Variants in FHIT observed in about 807,000 individuals in gnomAD.
FHIT encodes bis(5'-adenosyl)-triphosphatase.
A neutral mutation model predicts 17.9 loss-of-function variants in FHIT; 19 were observed. The observed-to-expected ratio is 1.06, with a 90% CI of 0.74 to 1.56. The LOEUF is 1.56. Ranked by LOEUF, FHIT falls within the 40% of genes most tolerant of loss-of-function variation. FHIT has a pLI of 0.00. For missense variants in FHIT, 248 were observed against 189.2 expected, an observed-to-expected ratio of 1.31 and a Z score of -1.82; for synonymous variants, 81 against 69.7, an observed-to-expected ratio of 1.16 and a Z score of -0.81.
chr3:61,070,193 C>T (rs576119668), intron 2 of FHIT, among the ~76,000 whole-genome samples: 4 of 152,270 alleles, frequency 2.6e-5, no homozygotes, highest in African/African-American at 4.8e-5. Context: ...CGTTCCTGAC[C>T]AGGAACCACC....
intron 5 of FHIT, among the ~76,000 whole-genome samples, chr3:60,179,996 G>C (rs944862724): frequency 6.6e-6 from 1 of 152,078 alleles, no homozygotes; most frequent in African/African-American, 2.4e-5. Flanking sequence ...AATCCTCCAC[G>C]GGGACTATAT....
At chr3:60,508,090 A>T (rs2034806779) in intron 5 of FHIT, among the ~76,000 whole-genome samples, 2 of 152,190 alleles carry the variant, frequency 1.3e-5, no homozygotes, top group African/African-American at 4.8e-5. Context: ...TGCTAGCTAC[A>T]TGGAGAATGT....
chr3:60,559,211 C>A (rs777313595), intron 4 of FHIT, among the ~76,000 whole-genome samples: 3 of 152,124 alleles, frequency 2.0e-5, no homozygotes, highest in Non-Finnish European at 2.9e-5. Context: ...TAATTTTCAA[C>A]TGTATGGGGA....
At chr3:60,392,914 G>A (rs946200243) in intron 5 of FHIT, among the ~76,000 whole-genome samples, 2 of 152,086 alleles carry the variant, frequency 1.3e-5, no homozygotes, top group Non-Finnish European at 1.5e-5. Context: ...ATCTTATTAT[G>A]AGAGTCTTTC....
At chr3:60,085,445 T>G (rs1398794055) in intron 5 of FHIT, among the ~76,000 whole-genome samples, 1 of 152,182 alleles carries the variant, frequency 6.6e-6, no homozygotes, top group East Asian at 1.9e-4. Flanking sequence ...CACTAACTGA[T>G]GCATGTGTAT....
chr3:60,070,308 T>C (rs1464503636), intron 5 of FHIT, among the ~76,000 whole-genome samples: 1 of 152,236 alleles, frequency 6.6e-6, no homozygotes, highest in Non-Finnish European at 1.5e-5. Context: ...ATCACCATCA[T>C]TGAAGCCACG....
chr3:60,148,297 G>A (rs946345215), intron 5 of FHIT, among the ~76,000 whole-genome samples: 1 of 152,154 alleles, frequency 6.6e-6, no homozygotes, highest in Non-Finnish European at 1.5e-5. Context: ...TGTGGTAATA[G>A]TCTTTCAAAC....
At chr3:60,477,373 G>C (rs1328386215) in intron 5 of FHIT, among the ~76,000 whole-genome samples, 1 of 152,126 alleles carries the variant, frequency 6.6e-6, no homozygotes, top group African/African-American at 2.4e-5. Flanking sequence ...TTTCTTTTGA[G>C]AGAGATGCAG....
chr3:60,271,040 A>G (rs766914455), intron 5 of FHIT, among the ~76,000 whole-genome samples: 17 of 152,308 alleles, frequency 1.1e-4, no homozygotes, highest in South Asian at 4.1e-4. Flanking sequence ...AGGAATCTAC[A>G]TAACAGTGGA....
chr3:59,773,591 T>C (rs1339054926), intron 8 of FHIT, among the ~76,000 whole-genome samples: 1 of 152,104 alleles, frequency 6.6e-6, no homozygotes, highest in Non-Finnish European at 1.5e-5. Context: ...TGTAATTAAT[T>C]CCCTCTTTTC....
chr3:60,165,154 G>A (rs942936920), intron 5 of FHIT, among the ~76,000 whole-genome samples: 1 of 152,172 alleles, frequency 6.6e-6, no homozygotes, highest in Non-Finnish European at 1.5e-5. Flanking sequence ...CAGGCTGTGA[G>A]CTCAGTGTTA....
chr3:60,054,426 C>T (rs1221094618), intron 5 of FHIT, among the ~76,000 whole-genome samples: 3 of 152,146 alleles, frequency 2.0e-5, no homozygotes, highest in African/African-American at 7.2e-5. Context: ...AATGTAAATG[C>T]ACCCTGTGAT....
chr3:61,115,207 G>T (rs12492395), intron 2 of FHIT, among the ~76,000 whole-genome samples: 15,303 of 152,170 alleles, frequency 0.1, 810 homozygotes, highest in South Asian at 0.19. Context: ...TGGTGCCATT[G>T]TGTATAATCA....
At chr3:60,367,834 T>C (rs1700169984) in intron 5 of FHIT, among the ~76,000 whole-genome samples, 1 of 152,188 alleles carries the variant, frequency 6.6e-6, no homozygotes, top group Non-Finnish European at 1.5e-5. Context: ...TCCACCACTT[T>C]CATGGAAACT....
At chr3:60,939,090 T>A (rs781348611) in intron 3 of FHIT, among the ~76,000 whole-genome samples, 3 of 152,210 alleles carry the variant, frequency 2.0e-5, no homozygotes, top group Non-Finnish European at 2.9e-5. Flanking sequence ...TTCTACATGG[T>A]CCAATCTCAT....
At chr3:59,954,929 T>C (rs1469231215) in intron 7 of FHIT, among the ~76,000 whole-genome samples, 3 of 152,206 alleles carry the variant, frequency 2.0e-5, no homozygotes, top group Non-Finnish European at 2.9e-5. Flanking sequence ...CCTACTCTTC[T>C]GATCTCAATT....
chr3:61,127,172 T>C (rs1233364109), intron 2 of FHIT, among the ~76,000 whole-genome samples: 5 of 152,060 alleles, frequency 3.3e-5, no homozygotes, highest in African/African-American at 1.2e-4. Context: ...AACCAAAAGA[T>C]GTGAAGAAAG....
At chr3:59,840,473 T>A (rs1018530369) in intron 8 of FHIT, among the ~76,000 whole-genome samples, 2 of 151,986 alleles carry the variant, frequency 1.3e-5, no homozygotes, top group Non-Finnish European at 2.9e-5. Context: ...TGGCAATGAA[T>A]TCAAATTATC....
At chr3:60,102,454 T>C (rs1704233264) in intron 5 of FHIT, among the ~76,000 whole-genome samples, 1 of 152,154 alleles carries the variant, frequency 6.6e-6, no homozygotes, top group Non-Finnish European at 1.5e-5. Context: ...TCTATCACTT[T>C]GGAAACATTT....
Sources: allele counts gnomAD v4.1 joint callset (sites outside exome capture counted in the v4.1 genomes callset), GRCh38; gene constraint gnomAD v4.1.1; transcripts MANE v1.5; gene names NCBI Gene and HGNC (gene_info 2026-07-23, HGNC 2026-07-21).